RASL11B: variants seen among roughly 807,000 people sequenced by gnomAD.
RASL11B encodes ras-like protein family member 11B.
A neutral mutation model predicts 22.9 loss-of-function variants in RASL11B; 14 were observed. That is an observed-to-expected ratio of 0.61 (90% confidence interval 0.40 to 0.96). The LOEUF is 0.96. Among genes scored for constraint, RASL11B ranks in the 40% least tolerant of loss-of-function variants. The pLI, the probability that RASL11B is intolerant of heterozygous loss-of-function variation, is 0.00. For synonymous variants in RASL11B, 143 were observed against 130.2 expected (o/e 1.10, Z -0.67); for missense variants, 261 against 322.0 (o/e 0.81, Z 1.45).
Position 52,862,364 on chromosome 4 carries a change from C to CCGG in RASL11B, c.-144_-143insCGG. 1 of 708,834 alleles carries CCGG rather than the reference C, an allele frequency of 1.4e-6. No homozygotes were observed. Among genetic ancestry groups the CCGG allele is most frequent in the African/African-American group, 1.9e-5 (1 of 51,618 alleles). The allele number at this position is 708,834 out of a possible 1,614,324, so 43.9% of individuals were successfully genotyped here. On this transcript the variant is annotated 5_prime_UTR_variant, in exon 1 of 4. Transcript: ENST00000248706. ...CCTGCGGAACCTCGGCGCTCGGCCC[C>CCGG]ACCCCGCCCGTACCTGCACTTATTT...
In RASL11B at chr4:52,866,801, TTA is replaced by T. The variant is rs1231936365; in HGVS notation, c.*998_*999del. The T allele has an allele frequency of 6.6e-6, 1 of 152,652 alleles. No individual in the cohort carries two copies. The highest frequency in any genetic ancestry group is 1.5e-5 in the Non-Finnish European group (1 of 68,038). 9.5% of individuals were successfully genotyped at this position (152,652 alleles called of 1,614,324 possible). A position where few individuals can be genotyped will look rare whatever the true frequency, so the allele number is the denominator to read the frequency against. Reference sequence around the variant, plus strand: ...TGCTTTGGCTTAAACTGTAATTAATTTATTTTATGTACAATAAATCGCATTTG... The same window carrying T: ...TGCTTTGGCTTAAACTGTAATTAATTTTTTATGTACAATAAATCGCATTTG... On this transcript the variant is annotated 3_prime_UTR_variant, in exon 4 of 4. Coordinates refer to ENST00000248706, the MANE Select transcript of RASL11B (RefSeq NM_023940.3).
In RASL11B at chr4:52,865,792, T is replaced by C. The variant is rs1424875119; in HGVS notation, c.734T>C (p.Val245Ala). The C allele has an allele frequency of 1.2e-6, 2 of 1,613,262 alleles. No individual in the cohort carries two copies. Among genetic ancestry groups the C allele is most frequent in the South Asian group, 1.1e-5 (1 of 91,032 alleles). ...KQALSAKVRTVTSV is the reference protein window; with the variant it reads ...KQALSAKVRTATSV ...GCCCTCTCTGCCAAAGTGAGGACTG[T>C]CACCTCCGTCTGAAGCAGGAGGAGC... Residue 245 changes from valine (V) to alanine (A), a missense_variant, in exon 4 of 4, where the codon GTC becomes GCC. Physicochemically the swap from Val to Ala is moderately conservative, Grantham distance 64. Coordinates refer to ENST00000248706, the MANE Select transcript of RASL11B (RefSeq NM_023940.3).
rs776658596 is a variant in RASL11B, at chr4:52,865,457, C to T, written c.399C>T (p.His133=). The part of the protein sequence containing the change: ...YKSYELISQL[H]QHVQQLHLGT... The stretch of plus-strand genomic sequence containing the variant: ...GCTATGAACTCATCAGCCAGCTCCA[C>T]CAGCACGTGCAGCAGCTACACCTGG... Residue 133 remains histidine (H), a synonymous_variant, in exon 4 of 4, where the codon CAC becomes CAT. Coordinates refer to ENST00000248706, the MANE Select transcript of RASL11B (RefSeq NM_023940.3). 2 of 1,614,202 alleles carry T rather than the reference C, an allele frequency of 1.2e-6. No homozygotes were observed. The highest frequency in any genetic ancestry group is 1.7e-5 in the Admixed American group (1 of 60,028).
chr4:52,865,193 C>A, intron 3 of RASL11B, 142 bp from the exon 4 acceptor site: 1 of 620,296 alleles, frequency 1.6e-6, no homozygotes, highest in Non-Finnish European at 2.8e-6. Context: ...GTCAAGAAAG[C>A]TGAAGTGTGT....
rs1364728852 is a variant in RASL11B, at chr4:52,862,413, A to G, written c.-95A>G. ...TTATTGTTGTTATTTCTTACCGCGG[A>G]GCCCCGCAGTCGGGTCCTCCCGCCC... On this transcript the variant is annotated 5_prime_UTR_variant, in exon 1 of 4. Transcript: ENST00000248706. 79 of 1,164,358 alleles carry G rather than the reference A, an allele frequency of 6.8e-5. No individual in the cohort carries two copies. In the East Asian group the frequency reaches 2.3e-3, roughly 35 times the overall value. The allele number at this position is 1,164,358 out of a possible 1,614,324, so 72.1% of individuals were successfully genotyped here. A position where few individuals can be genotyped will look rare whatever the true frequency, so the allele number is the denominator to read the frequency against.
chr4:52,865,284 C>A (rs762016580), intron 3 of RASL11B, 51 bp from the exon 4 acceptor site: 8 of 1,472,554 alleles, frequency 5.4e-6, no homozygotes, highest in Admixed American at 1.9e-5. Context: ...CAAGCCCAGG[C>A]TCTTTGTACA....
intron 1 of RASL11B, 80 bp from the exon 2 acceptor site, chr4:52,863,188 G>C (rs1428667713): frequency 1.5e-6 from 2 of 1,298,710 alleles, no homozygotes; most frequent in African/African-American, 1.5e-5. Flanking sequence ...TGGGAGAACT[G>C]TTTTCCAGGC....
At chr4:52,864,410 T>C (rs766842852) in intron 2 of RASL11B, 68 bp from the exon 3 acceptor site, 2 of 1,035,632 alleles carry the variant, frequency 1.9e-6, no homozygotes, top group Non-Finnish European at 1.5e-6. Context: ...TTTTCTAGCT[T>C]AAAACTCACA....
chr4:52,864,164 C>T, intron 2 of RASL11B: 1 of 211,126 alleles, frequency 4.7e-6, no homozygotes, highest in Non-Finnish European at 9.3e-6. Flanking sequence ...CTCAAGAAAA[C>T]AGAAACCTCA....
At position 52,862,555 on chromosome 4, in the gene RASL11B, G is replaced by T; in HGVS notation, c.48G>T (p.Pro16=). The T allele has an allele frequency of 1.2e-6, 2 of 1,605,286 alleles. No homozygotes were observed. The highest frequency in any genetic ancestry group is 1.7e-6 in the Non-Finnish European group (2 of 1,177,330). The part of the protein sequence containing the change: ...NMCTIAEYPA[P]GNAAASDCCV... ...GCACCATCGCCGAGTACCCCGCGCCGGGCAACGCCGCGGCCTCCGACTGCT... is the reference window on the plus strand; with the variant it reads ...GCACCATCGCCGAGTACCCCGCGCCTGGCAACGCCGCGGCCTCCGACTGCT... The change falls in exon 1 of 4, where the codon CCG becomes CCT. Residue 16 remains proline, a synonymous_variant. Coordinates refer to ENST00000248706, the MANE Select transcript of RASL11B (RefSeq NM_023940.3).
chr4:52,862,490 T>G lies in RASL11B; in HGVS notation c.-18T>G. On this transcript the variant is annotated 5_prime_UTR_variant, in exon 1 of 4. Coordinates refer to ENST00000248706, the MANE Select transcript of RASL11B (RefSeq NM_023940.3). ...AGTCCCTCAGTCCCTTCCCGCGCGGTGCGCCGCAGCCGAGGCGATGCGCCT... is the reference window on the plus strand; with the variant it reads ...AGTCCCTCAGTCCCTTCCCGCGCGGGGCGCCGCAGCCGAGGCGATGCGCCT... 2 of 1,598,340 alleles carry G rather than the reference T, an allele frequency of 1.3e-6. No homozygotes were observed. The highest frequency in any genetic ancestry group is 1.7e-6 in the Non-Finnish European group (2 of 1,173,900).
At chr4:52,863,617 C>G (rs1718203707) in intron 2 of RASL11B, 3 of 359,036 alleles carry the variant, frequency 8.4e-6, no homozygotes, top group African/African-American at 4.1e-5. Flanking sequence ...TCAAGAACCT[C>G]TCCCTTCAAA....
chr4:52,864,295 C>A, intron 2 of RASL11B, 183 bp from the exon 3 acceptor site: 1 of 541,038 alleles, frequency 1.8e-6, no homozygotes, highest in Non-Finnish European at 3.3e-6. Flanking sequence ...ATAAATCTAA[C>A]ATAGGGTTAA....
Position 52,865,738 on chromosome 4 carries a change from T to G in RASL11B, c.680T>G (p.Met227Arg). Residue 227 changes from methionine to arginine, a missense_variant, in exon 4 of 4, where the codon ATG becomes AGG. Coordinates refer to ENST00000248706, the MANE Select transcript of RASL11B (RefSeq NM_023940.3). ...ATTCCCAGGCCCAAGTCACCCAACA[T>G]GCAGGACCTGAAGAGGAGGTTTAAG... is the stretch of plus-strand genomic sequence containing the variant. ...SLIPRPKSPN[M>R]QDLKRRFKQA... is the part of the protein sequence containing the mutation. The G allele has an allele frequency of 1.2e-6, 2 of 1,613,824 alleles. No individual in the cohort carries two copies. Among genetic ancestry groups the G allele is most frequent in the East Asian group, 4.5e-5 (2 of 44,874 alleles).
At chr4:52,863,527 A>C in intron 2 of RASL11B, 1 of 592,320 alleles carries the variant, frequency 1.7e-6, no homozygotes, top group South Asian at 2.0e-5. Flanking sequence ...AAGCCCATTC[A>C]TCATTTTATC....
In RASL11B at chr4:52,866,267, C is replaced by T. The variant is rs945601082; in HGVS notation, c.*462C>T. ...TCTTTTTCCCCAAGAGGAAGAATTG[C>T]TTTTCTCTTACCAGTATGATTTGTA... is the stretch of plus-strand genomic sequence containing the variant. On this transcript the variant is annotated 3_prime_UTR_variant, in exon 4 of 4. Transcript: ENST00000248706. 2 of 166,134 alleles carry T rather than the reference C, an allele frequency of 1.2e-5. No individual in the cohort carries two copies. Among genetic ancestry groups the T allele is most frequent in the African/African-American group, 4.8e-5 (2 of 41,402 alleles). 10.3% of individuals were successfully genotyped at this position (166,134 alleles called of 1,614,324 possible). A position where few individuals can be genotyped will look rare whatever the true frequency, so the allele number is the denominator to read the frequency against.
rs1036831356 is a variant in RASL11B, at chr4:52,862,424, C to G, written c.-84C>G. 12 of 1,429,620 alleles carry G rather than the reference C, an allele frequency of 8.4e-6. No homozygotes were observed. Among genetic ancestry groups the G allele is most frequent in the African/African-American group, 4.5e-5 (3 of 67,020 alleles). The allele number at this position is 1,429,620 out of a possible 1,614,324, so 88.6% of individuals were successfully genotyped here. A position where few individuals can be genotyped will look rare whatever the true frequency, so the allele number is the denominator to read the frequency against. On this transcript the variant is annotated 5_prime_UTR_variant, in exon 1 of 4. Transcript: ENST00000248706. ...ATTTCTTACCGCGGAGCCCCGCAGT[C>G]GGGTCCTCCCGCCCGCTCCCGCGCA...
intron 3 of RASL11B, among the ~76,000 whole-genome samples, chr4:52,865,103 T>C (rs1421125893): frequency 6.6e-6 from 1 of 152,244 alleles, no homozygotes; most frequent in East Asian, 1.9e-4. Flanking sequence ...CATGGAGTTC[T>C]CTGCAGGTCA....
At chr4:52,865,213 G>T in intron 3 of RASL11B, 122 bp from the exon 4 acceptor site, 1 of 679,378 alleles carries the variant, frequency 1.5e-6, no homozygotes. Context: ...TGGGATATAA[G>T]TTGTTTATGG....
Sources: gnomAD v4.1 joint callset for allele counts (sites outside exome capture counted in the v4.1 genomes callset) on GRCh38, gnomAD v4.1.1 for gene constraint, MANE v1.5 for transcripts, NCBI Gene and HGNC (gene_info 2026-07-23, HGNC 2026-07-21) for gene names.